Variants in RPS6KC1 observed in about 807,000 individuals in gnomAD.
RPS6KC1 encodes ribosomal protein S6 kinase C1, also known as inactive ribosomal protein S6 kinase delta-1.
In RPS6KC1, 54 loss-of-function variants were observed where a neutral mutation model predicts 103.8. The ratio of observed to expected loss-of-function variants is 0.52; its 90% CI spans 0.42 to 0.65. The LOEUF (loss-of-function observed/expected upper bound fraction) is 0.65, where lower values mean the gene tolerates loss of function less well. RPS6KC1 is among the 30% of genes least tolerant of loss of function. The probability of loss-of-function intolerance (pLI) is 0.00; values close to 1 mark genes in which losing one functional copy is unlikely to be tolerated. For synonymous variants in RPS6KC1, 439 were observed against 438.7 expected, an observed-to-expected ratio of 1.00 and a Z score of -0.01; for missense variants, 1,151 against 1,253.8, an observed-to-expected ratio of 0.92 and a Z score of 1.24.
At position 213,079,857 on chromosome 1, in the gene RPS6KC1, CT is replaced by C. The variant is rs566456880; in HGVS notation, c.262+2049del. 2.3e-3 allele frequency among the ~76,000 whole-genome samples: 353 copies of C among 151,196 alleles called. 1 individual carries two copies. The highest frequency in any genetic ancestry group is 8.3e-3 in the African/African-American group (342 of 41,224). Reference sequence around the variant, plus strand: ...TTCTAGACATAACTGAATTTTAATCCTTTTTTTTCAAGTACTTATATCTGTA... The same window carrying C: ...TTCTAGACATAACTGAATTTTAATCCTTTTTTTCAAGTACTTATATCTGTA... On this transcript the variant is annotated intron_variant, in intron 3 of 14. Transcript: ENST00000366960.
At chr1:213,363,927 T>G in the RPS6KC1 span, among the ~76,000 whole-genome samples, 43 of 151,904 alleles carry the variant, frequency 2.8e-4, no homozygotes, top group African/African-American at 7.7e-4. Flanking sequence ...TTGTTTTCTT[T>G]AGCCACAAAG....
Position 213,117,426 on chromosome 1 carries a change from T to G in RPS6KC1, c.472+16T>G. On this transcript the variant is annotated intron_variant, in intron 5 of 14. Coordinates refer to ENST00000366960, the MANE Select transcript of RPS6KC1 (RefSeq NM_012424.6). ...AGTACGGAAGGTAAGAGATTTTAATTTTTTTGCATTTCAAAGGTTTGGATT... is the reference window on the plus strand; with the variant it reads ...AGTACGGAAGGTAAGAGATTTTAATGTTTTTGCATTTCAAAGGTTTGGATT... 2 of 1,499,166 alleles carry G rather than the reference T, an allele frequency of 1.3e-6. No homozygotes were observed. The highest frequency in any genetic ancestry group is 1.8e-6 in the Non-Finnish European group (2 of 1,082,260). The allele number at this position is 1,499,166 out of a possible 1,614,324, so 92.9% of individuals were successfully genotyped here. A position where few individuals can be genotyped will look rare whatever the true frequency, so the allele number is the denominator to read the frequency against.
chr1:213,691,104 A>C, the RPS6KC1 span, among the ~76,000 whole-genome samples: 1 of 152,172 alleles, frequency 6.6e-6, no homozygotes, highest in Non-Finnish European at 1.5e-5. Context: ...TCCAGGAAAC[A>C]GGCCATCTTC....
At chr1:213,660,038 G>T in the RPS6KC1 span, among the ~76,000 whole-genome samples, 1 of 152,224 alleles carries the variant, frequency 6.6e-6, no homozygotes, top group African/African-American at 2.4e-5. Context: ...TTGGCTGAGA[G>T]AACAAGCTGT....
At chr1:213,597,509 A>G in the RPS6KC1 span, among the ~76,000 whole-genome samples, 3 of 152,186 alleles carry the variant, frequency 2.0e-5, no homozygotes, top group Non-Finnish European at 4.4e-5. Flanking sequence ...CATCCTAGAA[A>G]CAGGGAAGGG....
chr1:213,357,284 T>C, the RPS6KC1 span, among the ~76,000 whole-genome samples: 3 of 151,930 alleles, frequency 2.0e-5, no homozygotes, highest in Non-Finnish European at 4.4e-5. Context: ...CTTTCCTTGC[T>C]CTTCCCTAGT....
At chr1:213,574,696 G>A in the RPS6KC1 span, among the ~76,000 whole-genome samples, 1 of 152,234 alleles carries the variant, frequency 6.6e-6, no homozygotes, top group Admixed American at 6.5e-5. Flanking sequence ...CCCTGCTCAT[G>A]ATGTGAGCAG....
the RPS6KC1 span, among the ~76,000 whole-genome samples, chr1:213,722,672 C>T: frequency 2.0e-5 from 3 of 152,148 alleles, no homozygotes; most frequent in African/African-American, 7.2e-5. Context: ...GGACACCATC[C>T]GTGTAATCAG....
At chr1:213,359,712 T>A in the RPS6KC1 span, among the ~76,000 whole-genome samples, 2 of 152,206 alleles carry the variant, frequency 1.3e-5, no homozygotes, top group African/African-American at 4.8e-5. Flanking sequence ...TTCCTTTCCA[T>A]GTTTAGTGCT....
chr1:213,635,598 A>C, the RPS6KC1 span, among the ~76,000 whole-genome samples: 1 of 152,204 alleles, frequency 6.6e-6, no homozygotes, highest in Non-Finnish European at 1.5e-5. Context: ...TCAATAAACT[A>C]GCTATCGATG....
chr1:213,797,791 T>A, the RPS6KC1 span, among the ~76,000 whole-genome samples: 1 of 152,220 alleles, frequency 6.6e-6, no homozygotes, highest in East Asian at 1.9e-4. Context: ...AGAACCATGA[T>A]GGAAAACCTG....
intron 2 of RPS6KC1, among the ~76,000 whole-genome samples, chr1:213,075,797 C>G (rs1572367666): frequency 6.6e-6 from 1 of 152,160 alleles, no homozygotes; most frequent in African/African-American, 2.4e-5. Context: ...GTAATACATA[C>G]TTAGCATCTC....
chr1:213,625,022 G>A, the RPS6KC1 span, among the ~76,000 whole-genome samples: 9 of 151,838 alleles, frequency 5.9e-5, no homozygotes, highest in East Asian at 1.9e-4. Context: ...TCACTCTGTC[G>A]CCCAGGCTGG....
chr1:213,783,633 T>C, the RPS6KC1 span, among the ~76,000 whole-genome samples: 1 of 150,352 alleles, frequency 6.7e-6, no homozygotes, highest in African/African-American at 2.5e-5. Context: ...GATTTACTGT[T>C]GTCGTCTTAT....
chr1:213,353,477 A>G, the RPS6KC1 span, among the ~76,000 whole-genome samples: 4 of 152,376 alleles, frequency 2.6e-5, no homozygotes, highest in African/African-American at 9.6e-5. Context: ...GTGCTGAAAC[A>G]GAGATTCTAA....
the RPS6KC1 span, among the ~76,000 whole-genome samples, chr1:213,531,768 T>C: frequency 5.5e-3 from 839 of 152,322 alleles, 11 homozygotes; most frequent in African/African-American, 0.019. Context: ...GAGATAAGGC[T>C]GTGTATGTAT....
intron 6 of RPS6KC1, among the ~76,000 whole-genome samples, chr1:213,143,850 T>C (rs908915444): frequency 1.3e-5 from 2 of 149,384 alleles, no homozygotes; most frequent in Non-Finnish European, 1.5e-5. Context: ...TCCTGGAAAC[T>C]GCACATAAAA....
At chr1:213,218,118 GA>G (rs1414787707) in intron 8 of RPS6KC1, among the ~76,000 whole-genome samples, 5 of 152,156 alleles carry the variant, frequency 3.3e-5, no homozygotes, top group Non-Finnish European at 5.9e-5. Flanking sequence ...TATATATCTA[GA>G]AAACCCCATT....
chr1:213,762,863 C>CA, the RPS6KC1 span, among the ~76,000 whole-genome samples: 1 of 146,308 alleles, frequency 6.8e-6, no homozygotes. Context: ...AATTTTTTTA[C>CA]GTTTTTTTTT....
Sources: allele counts gnomAD v4.1 joint callset (sites outside exome capture counted in the v4.1 genomes callset), GRCh38; gene constraint gnomAD v4.1.1; transcripts MANE v1.5; gene names NCBI Gene and HGNC (gene_info 2026-07-23, HGNC 2026-07-21).